NFIA: variants seen among roughly 807,000 people sequenced by gnomAD.
The protein encoded by NFIA is nuclear factor 1 A-type.
A neutral mutation model predicts 62.8 loss-of-function variants in NFIA; 8 were observed. The ratio of observed to expected loss-of-function variants is 0.13; its 90% confidence interval spans 0.07 to 0.23. The LOEUF (loss-of-function observed/expected upper bound fraction) is 0.23, where lower values mean the gene tolerates loss of function less well. NFIA is among the 10% of genes least tolerant of loss of function. NFIA has a pLI of 1.00. For missense variants in NFIA, 410 were observed against 642.1 expected, an observed-to-expected ratio of 0.64 and a Z score of 3.91; for synonymous variants, 235 against 238.1, an observed-to-expected ratio of 0.99 and a Z score of 0.12.
At position 61,228,809 on chromosome 1, in the gene NFIA, G is replaced by A. The variant is rs530733744; in HGVS notation, c.560-48711G>A. Among the ~76,000 whole-genome samples, 13 of 152,034 alleles carry A rather than the reference G, an allele frequency of 8.6e-5. No individual in the cohort carries two copies. The East Asian group carries it at 1.9e-3, about 23-fold the overall frequency. On this transcript the variant is annotated intron_variant, in intron 2 of 10. Transcript: ENST00000403491. ...ATATCTTATGATTTAAGCTTTCTTC[G>A]TTAGGCAGCCACATTGTATGTCTTT...
At chr1:61,371,418 G>A (rs2100464022) in intron 6 of NFIA, among the ~76,000 whole-genome samples, 1 of 151,796 alleles carries the variant, frequency 6.6e-6, no homozygotes, top group South Asian at 2.1e-4. Flanking sequence ...TTGATGTTTT[G>A]ATGAGTTTGT....
intron 3 of NFIA, among the ~76,000 whole-genome samples, chr1:61,304,017 G>C (rs554967248): frequency 6.6e-6 from 1 of 151,920 alleles, no homozygotes; most frequent in Admixed American, 6.5e-5. Context: ...GCTCACGCCT[G>C]TAAACCCAGC....
intron 2 of NFIA, among the ~76,000 whole-genome samples, chr1:61,196,884 T>C (rs1440745841): frequency 6.7e-6 from 1 of 148,590 alleles, no homozygotes; most frequent in East Asian, 2.0e-4. Context: ...TCACACTGTT[T>C]AAAACCTTAA....
chr1:61,441,507 G>A (rs999995411), intron 10 of NFIA, among the ~76,000 whole-genome samples: 2 of 152,078 alleles, frequency 1.3e-5, no homozygotes, highest in Admixed American at 6.5e-5. Flanking sequence ...GTTGTAGGGA[G>A]GACCTTTGAT....
chr1:61,323,340 T>C (rs138434180), intron 3 of NFIA, among the ~76,000 whole-genome samples: 33 of 152,334 alleles, frequency 2.2e-4, no homozygotes, highest in African/African-American at 6.7e-4. Flanking sequence ...TTTCTAGATA[T>C]AGAAGTGTTT....
At chr1:61,337,102 G>A (rs746347471) in intron 4 of NFIA, among the ~76,000 whole-genome samples, 9 of 152,062 alleles carry the variant, frequency 5.9e-5, no homozygotes, top group Non-Finnish European at 1.2e-4. Flanking sequence ...TTTTAATAGC[G>A]TTACTACCAA....
At chr1:61,087,068 A>G (rs1258834018) in intron 1 of NFIA, among the ~76,000 whole-genome samples, 2 of 152,272 alleles carry the variant, frequency 1.3e-5, no homozygotes, top group Middle Eastern at 3.4e-3. Context: ...TTACTGCTTA[A>G]TTTTTTAAAA....
intron 3 of NFIA, among the ~76,000 whole-genome samples, chr1:61,278,523 CT>C (rs996002845): frequency 6.6e-6 from 1 of 152,164 alleles, no homozygotes; most frequent in African/African-American, 2.4e-5. Flanking sequence ...GGCGTGGTGG[CT>C]TTCACCTGTA....
intron 2 of NFIA, among the ~76,000 whole-genome samples, chr1:61,155,302 A>G (rs1161690328): frequency 3.3e-5 from 5 of 152,212 alleles, no homozygotes; most frequent in Non-Finnish European, 7.3e-5. Context: ...TTTCCAGGAA[A>G]TTGTATGTTC....
chr1:61,128,444 C>T (rs1273468499), intron 2 of NFIA, among the ~76,000 whole-genome samples: 1 of 152,084 alleles, frequency 6.6e-6, no homozygotes, highest in East Asian at 1.9e-4. Context: ...AACCACATCT[C>T]TACCGAAAAA....
intron 2 of NFIA, among the ~76,000 whole-genome samples, chr1:61,138,031 G>A (rs1432065540): frequency 6.6e-6 from 1 of 151,286 alleles, no homozygotes; most frequent in African/African-American, 2.4e-5. Context: ...TTTCCCTTCA[G>A]AGAAGTCAAG....
upstream of NFIA, chr1:61,082,156 T>C (rs1646106066): frequency 4.2e-5 from 23 of 552,648 alleles, no homozygotes; most frequent in South Asian, 3.6e-4. Context: ...GTACAGACTG[T>C]AACTGCTCCT....
At chr1:61,439,817 T>C (rs1667497514) in intron 10 of NFIA, among the ~76,000 whole-genome samples, 1 of 152,214 alleles carries the variant, frequency 6.6e-6, no homozygotes, top group Non-Finnish European at 1.5e-5. Flanking sequence ...ATAGACTTAG[T>C]GGAGGCCAGC....
intron 7 of NFIA, among the ~76,000 whole-genome samples, chr1:61,390,768 C>T (rs1337508248): frequency 6.6e-6 from 1 of 152,106 alleles, no homozygotes; most frequent in East Asian, 1.9e-4. Context: ...CACTAGATGG[C>T]AGGGCCTATT....
intron 2 of NFIA, among the ~76,000 whole-genome samples, chr1:61,155,407 C>G (rs1358073400): frequency 6.6e-6 from 1 of 151,462 alleles, no homozygotes; most frequent in Non-Finnish European, 1.5e-5. Context: ...GGCGCGGTGG[C>G]TCACGCCTGT....
intron 2 of NFIA, among the ~76,000 whole-genome samples, chr1:61,196,176 C>G (rs1477742228): frequency 2.0e-5 from 3 of 152,100 alleles, no homozygotes; most frequent in African/African-American, 7.2e-5. Context: ...ATGGTATCTT[C>G]TGAGAAAATT....
chr1:61,447,289 G>A (rs1039669710), intron 10 of NFIA, among the ~76,000 whole-genome samples: 1 of 152,124 alleles, frequency 6.6e-6, no homozygotes, highest in Non-Finnish European at 1.5e-5. Context: ...GCTTTTTTAT[G>A]GCTAACTTCC....
At chr1:61,403,074 G>A (rs1434044990) in intron 7 of NFIA, among the ~76,000 whole-genome samples, 1 of 152,218 alleles carries the variant, frequency 6.6e-6, no homozygotes, top group African/African-American at 2.4e-5. Context: ...TTTCCAAAAT[G>A]TGGACATTCC....
intron 10 of NFIA, among the ~76,000 whole-genome samples, chr1:61,454,208 T>C (rs1033230290): frequency 8.5e-5 from 13 of 152,248 alleles, no homozygotes; most frequent in African/African-American, 3.1e-4. Context: ...TAGGCCTTGG[T>C]AATTTTTCTG....
Sources: gnomAD v4.1 joint callset for allele counts (sites outside exome capture counted in the v4.1 genomes callset) on GRCh38, gnomAD v4.1.1 for gene constraint, MANE v1.5 for transcripts, NCBI Gene and HGNC (gene_info 2026-07-23, HGNC 2026-07-21) for gene names.